ZC4H2: variants seen among roughly 807,000 people sequenced by gnomAD.
The protein encoded by ZC4H2 is zinc finger C4H2 domain-containing protein.
For missense variants in ZC4H2, 137 were observed against 173.9 expected (o/e 0.79, Z 1.19); for synonymous variants, 84 against 66.3 (o/e 1.27, Z -1.30).
chrX:64,957,345 C>T (rs185754645), intron 1 of ZC4H2, among the ~76,000 whole-genome samples: 3 of 111,654 alleles, frequency 2.7e-5, no homozygotes, highest in Non-Finnish European at 5.6e-5. Context: ...TAAGGGCTGC[C>T]CAATTCATGA....
intron 1 of ZC4H2, among the ~76,000 whole-genome samples, chrX:65,002,181 G>A (rs964145990): frequency 1.8e-5 from 2 of 111,942 alleles, no homozygotes; most frequent in African/African-American, 6.5e-5. Context: ...TTCTAAAATT[G>A]ACCACATAAT....
chrX:64,953,859 A>G (rs989112309), intron 1 of ZC4H2, among the ~76,000 whole-genome samples: 4 of 111,567 alleles, frequency 3.6e-5, no homozygotes, highest in Non-Finnish European at 7.5e-5. Flanking sequence ...CTATAAAGAC[A>G]CATGCACACG....
intron 1 of ZC4H2, among the ~76,000 whole-genome samples, chrX:64,927,124 A>T (rs1261147082): frequency 9.0e-6 from 1 of 110,804 alleles, no homozygotes; most frequent in Non-Finnish European, 1.9e-5. Context: ...CAATTTATCA[A>T]ATTTTTCTTT....
At chrX:64,987,732 C>CT (rs994482528) in intron 1 of ZC4H2, among the ~76,000 whole-genome samples, 14 of 107,391 alleles carry the variant, frequency 1.3e-4, no homozygotes, top group South Asian at 4.1e-4. Flanking sequence ...CCTCTGAATT[C>CT]TTTTTTTTAT....
rs779433529 is a variant in ZC4H2 at position 65,008,440 on chromosome X, G to A, written c.-272+26189C>T. Among the ~76,000 whole-genome samples the A allele has an allele frequency of 2.7e-5, 3 of 112,067 alleles. No homozygotes were observed. The East Asian group carries it at 8.4e-4, about 31-fold the overall frequency. ...ACAACTAAAAATAGAACTACCATAT[G>A]ATCGGGCAATCCCAATGCTGAGTAT... On this transcript the variant is annotated intron_variant, in intron 1 of 4. Coordinates refer to the ZC4H2 transcript ENST00000337990.
At chrX:65,022,105 C>T (rs1932840923) in intron 1 of ZC4H2, among the ~76,000 whole-genome samples, 1 of 111,841 alleles carries the variant, frequency 8.9e-6, no homozygotes, top group Non-Finnish European at 1.9e-5. Flanking sequence ...GTACAAAAAG[C>T]AGCTGATACC....
intron 1 of ZC4H2, among the ~76,000 whole-genome samples, chrX:64,928,084 CTGA>C (rs1335452079): frequency 3.6e-5 from 4 of 112,127 alleles, no homozygotes; most frequent in Non-Finnish European, 7.5e-5. Context: ...CCTGTTCACT[CTGA>C]TGATAGTTTT....
intron 1 of ZC4H2, among the ~76,000 whole-genome samples, chrX:64,935,150 C>T (rs766510795): frequency 9.0e-6 from 1 of 111,246 alleles, no homozygotes; most frequent in African/African-American, 3.3e-5. Flanking sequence ...GGAGGAGGGG[C>T]GTCCGCCATT....
chrX:64,934,947 T>TC (rs1328255849), intron 1 of ZC4H2, among the ~76,000 whole-genome samples: 2 of 108,620 alleles, frequency 1.8e-5, no homozygotes, highest in African/African-American at 6.7e-5. Context: ...TTTTTTTTTT[T>TC]CCCCCATACC....
upstream of ZC4H2, among the ~76,000 whole-genome samples, chrX:64,978,786 G>C (rs752988071): frequency 9.0e-6 from 1 of 111,539 alleles, no homozygotes; most frequent in South Asian, 3.8e-4. Context: ...GGGGTCCCGA[G>C]TGTATGTATC....
At chrX:64,996,711 A>C (rs1932420887) in intron 1 of ZC4H2, among the ~76,000 whole-genome samples, 1 of 111,580 alleles carries the variant, frequency 9.0e-6, no homozygotes, top group African/African-American at 3.3e-5. Context: ...AATTCACTAC[A>C]GGGGTTCAGT....
chrX:64,994,743 T>C (rs1451021045), intron 1 of ZC4H2, among the ~76,000 whole-genome samples: 1 of 111,527 alleles, frequency 9.0e-6, no homozygotes, highest in Admixed American at 9.6e-5. Flanking sequence ...TCTTTAACAG[T>C]TTAAAGGTGG....
Position 64,976,385 on chromosome X carries a change from A to G in ZC4H2, c.-8T>C. 8.3e-7 allele frequency: 1 copy of G among 1,210,169 alleles called. No individual in the cohort carries two copies. The highest frequency in any genetic ancestry group is 1.1e-6 in the Non-Finnish European group (1 of 894,319). On this transcript the variant is annotated 5_prime_UTR_variant, in exon 1 of 5. Transcript: ENST00000374839. ...TTCTTGCTCATCTGCCATACTTTTC[A>G]CTGTCAATTTCACGTCCCGAGAGAT...
At chrX:64,970,275 C>T (rs1198273792) in intron 1 of ZC4H2, among the ~76,000 whole-genome samples, 1 of 112,123 alleles carries the variant, frequency 8.9e-6, no homozygotes, top group Non-Finnish European at 1.9e-5. Context: ...TTTCTTACAT[C>T]TCAATACCAA....
intron 2 of ZC4H2, among the ~76,000 whole-genome samples, chrX:64,920,475 T>C (rs1929149211): frequency 8.9e-6 from 1 of 112,176 alleles, no homozygotes; most frequent in African/African-American, 3.2e-5. Context: ...GGTGAAGATG[T>C]AATGATAGGA....
At chrX:64,933,030 T>C (rs1276076230) in intron 1 of ZC4H2, among the ~76,000 whole-genome samples, 1 of 112,026 alleles carries the variant, frequency 8.9e-6, no homozygotes, top group East Asian at 2.8e-4. Context: ...TAATCCCATA[T>C]TCCTTGGAGA....
At chrX:64,944,077 C>G (rs1444693588) in intron 1 of ZC4H2, among the ~76,000 whole-genome samples, 1 of 110,277 alleles carries the variant, frequency 9.1e-6, no homozygotes, top group African/African-American at 3.3e-5. Context: ...TTTTCTTTCT[C>G]CTTTGCTTGT....
At chrX:64,934,681 C>A (rs1275565216) in intron 1 of ZC4H2, among the ~76,000 whole-genome samples, 3 of 111,824 alleles carry the variant, frequency 2.7e-5, no homozygotes, top group Non-Finnish European at 1.9e-5. Context: ...TGGGTGCAGA[C>A]CAAGAAGGAC....
At chrX:65,007,346 T>C (rs1932683923) in intron 1 of ZC4H2, among the ~76,000 whole-genome samples, 1 of 112,171 alleles carries the variant, frequency 8.9e-6, no homozygotes, top group Admixed American at 9.5e-5. Flanking sequence ...GGTTTTCTAG[T>C]TTTTGTTACT....
Sources: gnomAD v4.1 joint callset for allele counts (sites outside exome capture counted in the v4.1 genomes callset) on GRCh38, gnomAD v4.1.1 for gene constraint, MANE v1.5 for transcripts, NCBI Gene and HGNC (gene_info 2026-07-23, HGNC 2026-07-21) for gene names.